Variants in ASTN2 observed in about 807,000 individuals in gnomAD.
ASTN2 encodes the protein astrotactin 2.
Under a neutral mutation model 139.8 loss-of-function variants are expected in ASTN2, and 54 were observed. The observed-to-expected ratio is 0.39, with a 90% CI of 0.31 to 0.48. The LOEUF is 0.48. Ranked by LOEUF, ASTN2 falls within the 20% of genes least tolerant of loss-of-function variation. The pLI, the probability that ASTN2 is intolerant of heterozygous loss-of-function variation, is 0.95. For synonymous variants in ASTN2, 756 were observed against 719.5 expected, an observed-to-expected ratio of 1.05 and a Z score of -0.81; for missense variants, 1,565 against 1,725.1, an observed-to-expected ratio of 0.91 and a Z score of 1.64.
At chr9:116,915,758 C>T (rs143677286) in intron 10 of ASTN2, among the ~76,000 whole-genome samples, 87 of 152,244 alleles carry the variant, frequency 5.7e-4, no homozygotes, top group African/African-American at 1.9e-3. Flanking sequence ...CTGGACCTCA[C>T]GCTATGTACT....
intron 15 of ASTN2, 86 bp from the exon 16 acceptor site, chr9:116,726,036 C>A (rs1828612907): frequency 1.4e-6 from 2 of 1,388,826 alleles, no homozygotes; most frequent in Non-Finnish European, 2.0e-6. Flanking sequence ...TTCTTCCCAA[C>A]CTGTATTTTG....
At chr9:117,023,182 G>T (rs1304221296) in intron 6 of ASTN2, among the ~76,000 whole-genome samples, 1 of 152,090 alleles carries the variant, frequency 6.6e-6, no homozygotes, top group South Asian at 2.1e-4. Flanking sequence ...AAAGAATACT[G>T]CTCAGAGCTC....
intron 11 of ASTN2, among the ~76,000 whole-genome samples, chr9:116,826,308 G>T (rs956433385): frequency 6.6e-6 from 1 of 152,168 alleles, no homozygotes; most frequent in Non-Finnish European, 1.5e-5. Flanking sequence ...TGCCAATGTG[G>T]CTCACCTGAG....
At chr9:117,376,285 T>C (rs1167058657) in intron 1 of ASTN2, among the ~76,000 whole-genome samples, 1 of 152,122 alleles carries the variant, frequency 6.6e-6, no homozygotes, top group Non-Finnish European at 1.5e-5. Context: ...CATGTGTAAG[T>C]GGCAAGATAG....
chr9:117,175,068 T>TA (rs1302747091), intron 3 of ASTN2, among the ~76,000 whole-genome samples: 2 of 151,826 alleles, frequency 1.3e-5, no homozygotes, highest in Non-Finnish European at 2.9e-5. Flanking sequence ...CATGAAAATT[T>TA]AAAAAAAATC....
chr9:117,350,724 G>A (rs1055739898), intron 1 of ASTN2, among the ~76,000 whole-genome samples: 2 of 152,100 alleles, frequency 1.3e-5, no homozygotes, highest in African/African-American at 2.4e-5. Flanking sequence ...ATGAGGCTGG[G>A]AAATGAAGAC....
chr9:116,560,788 G>A lies in ASTN2; in HGVS notation c.3355+57536C>T, dbSNP rs539598604. ...ATATTTTTTGAATAGCTGAAGGCAT[G>A]AACATTATGTTAGGTGCACAGAATT... is the stretch of plus-strand genomic sequence containing the variant. On this transcript the variant is annotated intron_variant, in intron 19 of 22. Coordinates refer to ENST00000313400, the MANE Select transcript of ASTN2 (RefSeq NM_001365068.1). 2.0e-4 allele frequency among the ~76,000 whole-genome samples: 30 copies of A among 152,274 alleles called. 1 individual carries two copies. The highest frequency in any genetic ancestry group is 9.2e-4 in the Admixed American group (14 of 15,300).
At position 116,565,215 on chromosome 9, in the gene ASTN2, AACACACACACACAC is replaced by A. The variant is rs59415099; in HGVS notation, c.3355+53095_3355+53108del. Among the ~76,000 whole-genome samples, 510 of 134,280 alleles carry A rather than the reference AACACACACACACAC, an allele frequency of 3.8e-3. 2 individuals are homozygous for A. Among genetic ancestry groups the A allele is most frequent in the Non-Finnish European group, 4.9e-3 (313 of 64,046 alleles). 88.1% of individuals were successfully genotyped at this position (134,280 alleles called of 152,430 possible). On this transcript the variant is annotated intron_variant, in intron 19 of 22. Transcript: ENST00000313400. The stretch of plus-strand genomic sequence containing the variant: ...TGAAAAAATCCTTAGGCTTGCCACA[AACACACACACACAC>A]ACACACACACACACACACACACACA...
chr9:116,876,555 G>T (rs188329040), intron 10 of ASTN2, among the ~76,000 whole-genome samples: 1 of 152,284 alleles, frequency 6.6e-6, no homozygotes, highest in Admixed American at 6.5e-5. Flanking sequence ...AAAATCTTTT[G>T]TGAAAGGAAG....
At chr9:117,092,580 A>T (rs1828732893) in intron 5 of ASTN2, among the ~76,000 whole-genome samples, 1 of 152,224 alleles carries the variant, frequency 6.6e-6, no homozygotes, top group Non-Finnish European at 1.5e-5. Context: ...AACACAGCTC[A>T]GCTCCTATTT....
chr9:116,970,302 T>G (rs1216989510), intron 10 of ASTN2, among the ~76,000 whole-genome samples: 2 of 152,200 alleles, frequency 1.3e-5, no homozygotes, highest in African/African-American at 2.4e-5. Flanking sequence ...ACACTAGATA[T>G]GAGAATTTAC....
intron 13 of ASTN2, among the ~76,000 whole-genome samples, chr9:116,786,491 G>T (rs1830382234): frequency 6.6e-6 from 1 of 152,124 alleles, no homozygotes. Flanking sequence ...CTGGTGCAGT[G>T]TGTCATTGTT....
chr9:116,686,660 C>G, intron 16 of ASTN2: 1 of 1,544,266 alleles, frequency 6.5e-7, no homozygotes, highest in East Asian at 2.4e-5. Flanking sequence ...CCACCTTCAC[C>G]CGAGCAAAAC....
chr9:117,105,490 T>C (rs769989727), intron 4 of ASTN2, among the ~76,000 whole-genome samples: 1 of 152,192 alleles, frequency 6.6e-6, no homozygotes, highest in Non-Finnish European at 1.5e-5. Flanking sequence ...GTGGATGTTT[T>C]GAGTTTTCCA....
rs189225455 is a variant in ASTN2 at position 117,337,343 on chromosome 9, T to A, written c.443-45830A>T. Among the ~76,000 whole-genome samples, 22 of 152,276 alleles carry A rather than the reference T, an allele frequency of 1.4e-4. No individual in the cohort carries two copies. The East Asian group carries it at 4.3e-3, about 29-fold the overall frequency. ...TCTGGGTTGCAGAGATCAAAATTCCTGCACATTAAGGCCTATCCTAATAAA... is the reference window on the plus strand; with the variant it reads ...TCTGGGTTGCAGAGATCAAAATTCCAGCACATTAAGGCCTATCCTAATAAA... On this transcript the variant is annotated intron_variant, in intron 1 of 22. Transcript: ENST00000313400.
chr9:116,450,938 G>T (rs1479336690), intron 20 of ASTN2, among the ~76,000 whole-genome samples: 1 of 152,200 alleles, frequency 6.6e-6, no homozygotes, highest in African/African-American at 2.4e-5. Context: ...CTCAGTCTGA[G>T]GCATGATTAG....
At chr9:116,980,092 C>A (rs1412995367) in intron 7 of ASTN2, among the ~76,000 whole-genome samples, 1 of 152,124 alleles carries the variant, frequency 6.6e-6, no homozygotes, top group Non-Finnish European at 1.5e-5. Flanking sequence ...GAGGGAAAAG[C>A]CCCCGAGTGC....
At chr9:117,369,088 C>A (rs766565833) in intron 1 of ASTN2, among the ~76,000 whole-genome samples, 3 of 152,164 alleles carry the variant, frequency 2.0e-5, no homozygotes, top group African/African-American at 7.2e-5. Context: ...TTAACAAATT[C>A]TCTAAGTGTT....
At chr9:116,514,003 C>T (rs1306599465) in intron 19 of ASTN2, among the ~76,000 whole-genome samples, 1 of 151,706 alleles carries the variant, frequency 6.6e-6, no homozygotes, top group Non-Finnish European at 1.5e-5. Context: ...CTCAACTCCT[C>T]AAAGTCTTTC....
Sources: allele counts gnomAD v4.1 joint callset (sites outside exome capture counted in the v4.1 genomes callset), GRCh38; gene constraint gnomAD v4.1.1; transcripts MANE v1.5; gene names NCBI Gene and HGNC (gene_info 2026-07-23, HGNC 2026-07-21).